The following ZDHHC21 variants were observed in gnomAD, a reference collection of about 807,000 sequenced individuals.
ZDHHC21 encodes the protein palmitoyltransferase ZDHHC21.
Under a neutral mutation model 34.6 loss-of-function variants are expected in ZDHHC21, and 15 were observed. The observed-to-expected ratio is 0.43, with a 90% CI of 0.29 to 0.67. The LOEUF (loss-of-function observed/expected upper bound fraction) is 0.67. Among genes scored for constraint, ZDHHC21 ranks in the 30% least tolerant of loss-of-function variants. The pLI, the probability that ZDHHC21 is intolerant of heterozygous loss-of-function variation, is 0.14. For missense variants in ZDHHC21, 344 were observed against 327.7 expected, an observed-to-expected ratio of 1.05 and a Z score of -0.38; for synonymous variants, 142 against 101.8, an observed-to-expected ratio of 1.40 and a Z score of -2.38.
At chr9:14,673,522 G>A (rs1334239856) in intron 4 of ZDHHC21, among the ~76,000 whole-genome samples, 5 of 151,126 alleles carry the variant, frequency 3.3e-5, no homozygotes, top group Non-Finnish European at 5.9e-5. Flanking sequence ...AAATTCTGTT[G>A]GGGCGATAAA....
At chr9:14,678,229 T>C (rs1182701284) in intron 3 of ZDHHC21, among the ~76,000 whole-genome samples, 1 of 152,082 alleles carries the variant, frequency 6.6e-6, no homozygotes, top group East Asian at 1.9e-4. Flanking sequence ...GAATAGCAAG[T>C]GGTTTTATAT....
chr9:14,618,904 A>G lies in ZDHHC21; in HGVS notation c.*62T>C. 1 of 1,487,436 alleles carries G rather than the reference A, an allele frequency of 6.7e-7. No individual in the cohort carries two copies. The highest frequency in any genetic ancestry group is 2.3e-5 in the Admixed American group (1 of 44,248). 92.1% of individuals were successfully genotyped at this position (1,487,436 alleles called of 1,614,324 possible). ...ACTTGAAGACTGTCATAGTTCTATTATCATAAAACCTGTAACGCATTGCCA... is the reference window on the plus strand; with the variant it reads ...ACTTGAAGACTGTCATAGTTCTATTGTCATAAAACCTGTAACGCATTGCCA... On this transcript the variant is annotated 3_prime_UTR_variant, in exon 10 of 10. Coordinates refer to ENST00000380916, the MANE Select transcript of ZDHHC21 (RefSeq NM_178566.6).
chr9:14,665,534 G>C (rs1197451315), intron 5 of ZDHHC21, among the ~76,000 whole-genome samples: 1 of 151,890 alleles, frequency 6.6e-6, no homozygotes, highest in African/African-American at 2.4e-5. Flanking sequence ...AAAACTCCAA[G>C]ACACATAATT....
intron 6 of ZDHHC21, 50 bp downstream of exon 6, chr9:14,662,165 C>T (rs758770170): frequency 7.3e-7 from 1 of 1,362,096 alleles, no homozygotes; most frequent in Non-Finnish European, 1.0e-6. Flanking sequence ...GTAAGATTTA[C>T]ATTTTATTAC....
At chr9:14,593,046 A>G in the ZDHHC21 span, among the ~76,000 whole-genome samples, 6 of 152,240 alleles carry the variant, frequency 3.9e-5, no homozygotes, top group East Asian at 1.9e-4. Context: ...TTAAAAATCT[A>G]TATTAGAAAA....
At chr9:14,599,259 T>C in the ZDHHC21 span, among the ~76,000 whole-genome samples, 120 of 152,218 alleles carry the variant, frequency 7.9e-4, 5 homozygotes, top group African/African-American at 6.3e-4. Flanking sequence ...GCTCATCTCA[T>C]TGGGACTGGT....
At chr9:14,682,061 A>G (rs1225459876) in intron 2 of ZDHHC21, among the ~76,000 whole-genome samples, 1 of 152,188 alleles carries the variant, frequency 6.6e-6, no homozygotes, top group East Asian at 1.9e-4. Context: ...GGAAAGGAAC[A>G]ACCGGTACCA....
In ZDHHC21 at chr9:14,617,990, A is replaced by C. The variant is rs1436917054; in HGVS notation, c.*976T>G. On this transcript the variant is annotated 3_prime_UTR_variant, in exon 10 of 10. Transcript: ENST00000380916. ...AATGTGAAATTTTACATCTACTAGT[A>C]CATAAATAAAAGTAAAAAGTATACT... The C allele has an allele frequency of 6.6e-6, 1 of 152,402 alleles. No homozygotes were observed. Among genetic ancestry groups the C allele is most frequent in the Non-Finnish European group, 1.5e-5 (1 of 67,964 alleles). The allele number at this position is 152,402 out of a possible 1,614,324, so 9.4% of individuals were successfully genotyped here.
chr9:14,670,040 A>C (rs1198206898), intron 5 of ZDHHC21, among the ~76,000 whole-genome samples: 1 of 151,952 alleles, frequency 6.6e-6, no homozygotes, highest in African/African-American at 2.4e-5. Flanking sequence ...CAAAACAAAC[A>C]AACAAAAAAA....
chr9:14,658,444 G>T (rs1319081765), intron 7 of ZDHHC21, among the ~76,000 whole-genome samples: 1 of 121,468 alleles, frequency 8.2e-6, no homozygotes, highest in Non-Finnish European at 1.7e-5. Flanking sequence ...CTGCTCTAAT[G>T]TTAGTGGATA....
At chr9:14,673,846 T>C (rs1195485165) in intron 4 of ZDHHC21, among the ~76,000 whole-genome samples, 2 of 152,064 alleles carry the variant, frequency 1.3e-5, no homozygotes, top group Non-Finnish European at 2.9e-5. Flanking sequence ...GTATACTGTC[T>C]CTATTCTTAA....
At chr9:14,639,364 A>C (rs1002285776) in intron 8 of ZDHHC21, among the ~76,000 whole-genome samples, 6 of 152,068 alleles carry the variant, frequency 3.9e-5, no homozygotes, top group Non-Finnish European at 7.4e-5. Context: ...GAAAGGGTGC[A>C]TGGGTGGAGC....
chr9:14,654,077 A>G (rs895435518), intron 7 of ZDHHC21, among the ~76,000 whole-genome samples: 6 of 151,984 alleles, frequency 3.9e-5, no homozygotes, highest in African/African-American at 1.4e-4. Flanking sequence ...AAAGTCAAGT[A>G]GAACCGGAGA....
At chr9:14,595,759 C>T in the ZDHHC21 span, among the ~76,000 whole-genome samples, 2 of 152,136 alleles carry the variant, frequency 1.3e-5, no homozygotes, top group African/African-American at 4.8e-5. Flanking sequence ...CCATTGGCTG[C>T]AAATGCCATG....
Position 14,637,402 on chromosome 9 carries a change from T to C in ZDHHC21, c.621+2494A>G, listed in dbSNP as rs577992347. Among the ~76,000 whole-genome samples the C allele has an allele frequency of 1.8e-4, 27 of 151,904 alleles. No homozygotes were observed. In the South Asian group the frequency reaches 4.2e-3, roughly 23 times the overall value. On this transcript the variant is annotated intron_variant, in intron 8 of 9. Coordinates refer to ENST00000380916, the MANE Select transcript of ZDHHC21 (RefSeq NM_178566.6). ...AAAAGTGACAATATCAAAGTAGTAATAAAAAGTCTCCCAACAAAGAAAAGT... is the reference window on the plus strand; with the variant it reads ...AAAAGTGACAATATCAAAGTAGTAACAAAAAGTCTCCCAACAAAGAAAAGT...
the ZDHHC21 span, among the ~76,000 whole-genome samples, chr9:14,592,625 G>C: frequency 6.6e-6 from 1 of 152,094 alleles, no homozygotes; most frequent in African/African-American, 2.4e-5. Context: ...CAGAAAAGCA[G>C]TGAGGATATA....
chr9:14,635,499 C>G (rs1828129890), intron 8 of ZDHHC21, among the ~76,000 whole-genome samples: 1 of 152,208 alleles, frequency 6.6e-6, no homozygotes, highest in Non-Finnish European at 1.5e-5. Flanking sequence ...TCCACAGAAA[C>G]TTTATAGGCC....
rs985435323 is a variant in ZDHHC21 at position 14,617,440 on chromosome 9, C to T, written c.*1526G>A. On this transcript the variant is annotated 3_prime_UTR_variant, in exon 10 of 10. Transcript: ENST00000380916. ...TTACAATTTCTGAAAGAACTAACCA[C>T]AGTATAGCCAACTGGCTGACAATGG... 6.6e-6 allele frequency: 1 copy of T among 151,986 alleles called. No homozygotes were observed. The highest frequency in any genetic ancestry group is 1.5e-5 in the Non-Finnish European group (1 of 67,932). 9.4% of individuals were successfully genotyped at this position (151,986 alleles called of 1,614,324 possible).
the ZDHHC21 span, among the ~76,000 whole-genome samples, chr9:14,597,786 G>T: frequency 6.6e-6 from 1 of 152,134 alleles, no homozygotes; most frequent in African/African-American, 2.4e-5. Context: ...CAACAGGCCT[G>T]CTCTGCTCAC....
Sources: allele counts gnomAD v4.1 joint callset (sites outside exome capture counted in the v4.1 genomes callset), GRCh38; gene constraint gnomAD v4.1.1; transcripts MANE v1.5; gene names NCBI Gene and HGNC (gene_info 2026-07-23, HGNC 2026-07-21).